The following ZNG1B variants were observed in gnomAD, a reference collection of about 807,000 sequenced individuals.
ZNG1B encodes Zn regulated GTPase metalloprotein activator 1B.
the ZNG1B span, among the ~76,000 whole-genome samples, chr2:113,461,164 A>G: frequency 6.6e-6 from 1 of 150,844 alleles, no homozygotes; most frequent in Non-Finnish European, 1.5e-5. Flanking sequence ...CTCCTGCCTC[A>G]GCCTCCCAAG....
At chr2:113,483,254 T>C in the ZNG1B span, among the ~76,000 whole-genome samples, 1 of 150,974 alleles carries the variant, frequency 6.6e-6, no homozygotes, top group Non-Finnish European at 1.5e-5. Flanking sequence ...TCACTTTCCA[T>C]GAGCGTTTGG....
chr2:113,488,520 T>C, the ZNG1B span, among the ~76,000 whole-genome samples: 1 of 148,552 alleles, frequency 6.7e-6, no homozygotes, highest in African/African-American at 2.5e-5. Context: ...TAAGAAGAAA[T>C]CCCTGACTTA....
At chr2:113,491,969 TAAAAAAATC>T in the ZNG1B span, among the ~76,000 whole-genome samples, 3 of 123,934 alleles carry the variant, frequency 2.4e-5, 1 homozygote, top group Admixed American at 2.7e-4. Context: ...ATGGCCATAA[TAAAAAAATC>T]AAAAAAATAG....
At chr2:113,490,585 A>T in the ZNG1B span, among the ~76,000 whole-genome samples, 1 of 152,248 alleles carries the variant, frequency 6.6e-6, no homozygotes, top group Non-Finnish European at 1.5e-5. Context: ...ATAGACTGTT[A>T]GCAAGATCAG....
At chr2:113,468,521 G>A in the ZNG1B span, 68 of 143,366 alleles carry the variant, frequency 4.7e-4, 10 homozygotes, top group African/African-American at 1.8e-3. Context: ...CAAGAAATTA[G>A]GAGAAAAATG....
At chr2:113,455,603 G>C in the ZNG1B span, 1 of 1,287,080 alleles carries the variant, frequency 7.8e-7, no homozygotes, top group Admixed American at 2.3e-5. Flanking sequence ...CCCACCCACT[G>C]ACCCGTTCCC....
At chr2:113,487,890 C>T in the ZNG1B span, among the ~76,000 whole-genome samples, 4 of 151,832 alleles carry the variant, frequency 2.6e-5, 1 homozygote, top group South Asian at 8.3e-4. Context: ...TTGTACTTCT[C>T]TTATCAAGCA....
At chr2:113,478,796 AAAAT>A in the ZNG1B span, among the ~76,000 whole-genome samples, 1 of 152,058 alleles carries the variant, frequency 6.6e-6, no homozygotes, top group Non-Finnish European at 1.5e-5. Context: ...TTGTAAAAAA[AAAAT>A]AAAGAAAGAA....
chr2:113,446,448 T>G, the ZNG1B span, among the ~76,000 whole-genome samples: 1 of 152,220 alleles, frequency 6.6e-6, no homozygotes, highest in African/African-American at 2.4e-5. Flanking sequence ...ATCTCACTAT[T>G]GTGATATACA....
the ZNG1B span, among the ~76,000 whole-genome samples, chr2:113,452,179 G>T: frequency 6.6e-6 from 1 of 152,116 alleles, no homozygotes; most frequent in Non-Finnish European, 1.5e-5. Context: ...AAACTATTAA[G>T]CTTTTGGGAA....
the ZNG1B span, among the ~76,000 whole-genome samples, chr2:113,454,124 T>C: frequency 6.6e-6 from 1 of 152,140 alleles, no homozygotes; most frequent in Admixed American, 6.5e-5. Flanking sequence ...AGCTCTAATA[T>C]ATGTGGTGGG....
chr2:113,463,335 G>A, the ZNG1B span, among the ~76,000 whole-genome samples: 32,598 of 151,852 alleles, frequency 0.21, 3,974 homozygotes, highest in East Asian at 0.53. Flanking sequence ...TGCTTTGAGC[G>A]TGATGGCTCA....
the ZNG1B span, among the ~76,000 whole-genome samples, chr2:113,489,148 C>T: frequency 2.6e-5 from 4 of 152,176 alleles, no homozygotes; most frequent in Non-Finnish European, 5.9e-5. Context: ...ACCAGATTAA[C>T]AGCACATTTC....
At chr2:113,474,033 TATTGA>T in the ZNG1B span, among the ~76,000 whole-genome samples, 2 of 151,892 alleles carry the variant, frequency 1.3e-5, no homozygotes, top group South Asian at 4.2e-4. Flanking sequence ...CCTCTTTTTC[TATTGA>T]TTGGAATAGT....
At chr2:113,451,020 G>A in the ZNG1B span, among the ~76,000 whole-genome samples, 1 of 152,008 alleles carries the variant, frequency 6.6e-6, no homozygotes, top group Non-Finnish European at 1.5e-5. Context: ...GACATCATTC[G>A]ACCTCAGACC....
chr2:113,472,771 G>C, the ZNG1B span, among the ~76,000 whole-genome samples: 2 of 151,788 alleles, frequency 1.3e-5, no homozygotes, highest in Non-Finnish European at 2.9e-5. Context: ...GTTTTTCTCA[G>C]GTTTGTCAAA....
At chr2:113,457,479 G>A in the ZNG1B span, among the ~76,000 whole-genome samples, 4 of 138,172 alleles carry the variant, frequency 2.9e-5, no homozygotes, top group Admixed American at 7.6e-5. Flanking sequence ...TAGCCAGTGG[G>A]TTTTAAGATA....
At chr2:113,458,464 G>A in the ZNG1B span, among the ~76,000 whole-genome samples, 62 of 150,510 alleles carry the variant, frequency 4.1e-4, no homozygotes, top group African/African-American at 1.4e-3. Flanking sequence ...GTAAATATTG[G>A]CAGGCTCTCA....
the ZNG1B span, chr2:113,469,265 TC>T: frequency 2.6e-5 from 4 of 152,144 alleles, no homozygotes; most frequent in Middle Eastern, 6.8e-3. Flanking sequence ...TGCTTCACCC[TC>T]CGGGTAGCTG....
Sources: gnomAD v4.1 joint callset for allele counts (sites outside exome capture counted in the v4.1 genomes callset) on GRCh38, gnomAD v4.1.1 for gene constraint, MANE v1.5 for transcripts, NCBI Gene and HGNC (gene_info 2026-07-23, HGNC 2026-07-21) for gene names.